CDH8: variants seen among roughly 807,000 people sequenced by gnomAD.
CDH8 encodes the protein cadherin 8.
Under a neutral mutation model 68.1 loss-of-function variants are expected in CDH8, and 17 were observed. The ratio of observed to expected loss-of-function variants is 0.25; its 90% CI spans 0.17 to 0.37. The LOEUF is 0.37. Ranked by LOEUF, CDH8 falls within the 10% of genes least tolerant of loss-of-function variation. CDH8 has a pLI of 1.00. For missense variants in CDH8, 763 were observed against 999.3 expected (o/e 0.76, Z 3.19); for synonymous variants, 372 against 365.1 (o/e 1.02, Z -0.21).
intron 2 of CDH8, among the ~76,000 whole-genome samples, chr16:62,014,633 G>T (rs1039684740): frequency 2.6e-5 from 4 of 152,166 alleles, no homozygotes; most frequent in Non-Finnish European, 5.9e-5. Context: ...GGCATCCCGT[G>T]TCCTTCATAC....
At chr16:61,858,785 A>G (rs969894273) in intron 3 of CDH8, among the ~76,000 whole-genome samples, 3 of 152,184 alleles carry the variant, frequency 2.0e-5, no homozygotes, top group Non-Finnish European at 2.9e-5. Context: ...GAAATGGGCC[A>G]AGCTTTTATA....
chr16:61,780,860 A>G (rs1487097229), intron 8 of CDH8, among the ~76,000 whole-genome samples: 2 of 152,216 alleles, frequency 1.3e-5, no homozygotes, highest in Non-Finnish European at 2.9e-5. Flanking sequence ...GTTTAATTGT[A>G]CACTTAAAGT....
chr16:61,888,432 G>A (rs1963715947), intron 3 of CDH8, among the ~76,000 whole-genome samples: 1 of 152,036 alleles, frequency 6.6e-6, no homozygotes, highest in South Asian at 2.1e-4. Flanking sequence ...TTCTCTCTCT[G>A]CTTCATGACG....
chr16:61,658,014 G>A (rs1462162680), intron 10 of CDH8, among the ~76,000 whole-genome samples: 4 of 151,962 alleles, frequency 2.6e-5, no homozygotes, highest in Admixed American at 2.6e-4. Context: ...AAATCTATGA[G>A]TTATTCTTGC....
At chr16:62,019,803 A>G (rs1338126755) in intron 2 of CDH8, among the ~76,000 whole-genome samples, 2 of 152,196 alleles carry the variant, frequency 1.3e-5, no homozygotes, top group African/African-American at 2.4e-5. Context: ...ATATGCATAT[A>G]CTGAAGGGGG....
At chr16:61,782,742 G>A (rs1275226400) in intron 8 of CDH8, among the ~76,000 whole-genome samples, 1 of 152,172 alleles carries the variant, frequency 6.6e-6, no homozygotes, top group African/African-American at 2.4e-5. Context: ...CTGGAGATCT[G>A]AGAACGGGCA....
At chr16:61,992,580 T>C (rs930971399) in intron 2 of CDH8, among the ~76,000 whole-genome samples, 1 of 151,678 alleles carries the variant, frequency 6.6e-6, no homozygotes, top group Non-Finnish European at 1.5e-5. Context: ...ACCCTAAAAC[T>C]TGAAGTATAA....
At chr16:61,834,668 C>A (rs1176161396) in intron 4 of CDH8, among the ~76,000 whole-genome samples, 4 of 151,878 alleles carry the variant, frequency 2.6e-5, no homozygotes, top group Admixed American at 1.3e-4. Context: ...AAAACAATTT[C>A]TTTGATATAC....
Position 61,789,422 on chromosome 16 carries a change from C to G in CDH8, c.1338G>C (p.Gly446=), listed in dbSNP as rs1267903830. 1 of 1,613,142 alleles carries G rather than the reference C, an allele frequency of 6.2e-7. No homozygotes were observed. Among genetic ancestry groups the G allele is most frequent in the Non-Finnish European group, 8.5e-7 (1 of 1,179,340 alleles). Residue 446 remains glycine (G), a synonymous_variant, in exon 8 of 12, where the codon GGG becomes GGC. Transcript: ENST00000577390. ...CAAGTGGTGTTGCCAGCGTTATCTTCCCATCGTCTGCATTAATGTTGAACT... is the reference window on the plus strand; with the variant it reads ...CAAGTGGTGTTGCCAGCGTTATCTTGCCATCGTCTGCATTAATGTTGAACT... ...ERQFNINADD[G]KITLATPLDR...
At chr16:61,697,857 A>G (rs1964357251) in intron 10 of CDH8, among the ~76,000 whole-genome samples, 1 of 152,220 alleles carries the variant, frequency 6.6e-6, no homozygotes, top group Non-Finnish European at 1.5e-5. Context: ...GCCAGCATAG[A>G]GAAAATTAGA....
chr16:61,931,490 C>A (rs1005058263), intron 2 of CDH8, among the ~76,000 whole-genome samples: 3 of 152,034 alleles, frequency 2.0e-5, no homozygotes, highest in Admixed American at 6.6e-5. Context: ...AAGGACTTTT[C>A]TAAAAAAAAC....
intron 10 of CDH8, among the ~76,000 whole-genome samples, chr16:61,699,166 A>G (rs543111003): frequency 2.0e-5 from 3 of 152,268 alleles, no homozygotes; most frequent in African/African-American, 7.2e-5. Flanking sequence ...GTTCTGTACC[A>G]TTTGCTCATT....
chr16:61,911,706 C>A (rs775122085), intron 2 of CDH8, among the ~76,000 whole-genome samples: 1 of 151,104 alleles, frequency 6.6e-6, no homozygotes, highest in Non-Finnish European at 1.5e-5. Context: ...ATATGGATAC[C>A]GATATCCATC....
At chr16:61,986,364 CT>C (rs924723354) in intron 2 of CDH8, among the ~76,000 whole-genome samples, 1 of 151,960 alleles carries the variant, frequency 6.6e-6, no homozygotes, top group African/African-American at 2.4e-5. Context: ...TCCTTCACTC[CT>C]TTTTTTTCTC....
Position 62,021,452 on chromosome 16 carries a change from T to C in CDH8, c.-49A>G. ...CCACGAAAATGAGACAATTATTTTT[T>C]TTGTCTCCGGTCTGCAGCCATCCAA... On this transcript the variant is annotated 5_prime_UTR_variant, in exon 2 of 12. Transcript: ENST00000577390. 1 of 1,559,528 alleles carries C rather than the reference T, an allele frequency of 6.4e-7. No individual in the cohort carries two copies. The highest frequency in any genetic ancestry group is 8.7e-7 in the Non-Finnish European group (1 of 1,152,826).
At chr16:61,981,238 A>T (rs1244274105) in intron 2 of CDH8, among the ~76,000 whole-genome samples, 1 of 152,246 alleles carries the variant, frequency 6.6e-6, no homozygotes, top group Non-Finnish European at 1.5e-5. Context: ...TAATGAATGT[A>T]TACAGAAACC....
chr16:61,995,133 T>A (rs1343757515), intron 2 of CDH8, among the ~76,000 whole-genome samples: 3 of 152,184 alleles, frequency 2.0e-5, no homozygotes, highest in Admixed American at 2.0e-4. Flanking sequence ...ACAGTCCTAG[T>A]ATACATACAA....
At chr16:61,971,635 T>C (rs957360389) in intron 2 of CDH8, among the ~76,000 whole-genome samples, 2 of 152,186 alleles carry the variant, frequency 1.3e-5, no homozygotes, top group African/African-American at 4.8e-5. Context: ...ATAGGTATGA[T>C]TGATGAAATC....
At chr16:61,811,568 A>G (rs1961950013) in intron 7 of CDH8, among the ~76,000 whole-genome samples, 1 of 152,216 alleles carries the variant, frequency 6.6e-6, no homozygotes, top group South Asian at 2.1e-4. Context: ...CAAAGAATTG[A>G]AATCAAGATA....
Sources: allele counts gnomAD v4.1 joint callset (sites outside exome capture counted in the v4.1 genomes callset), GRCh38; gene constraint gnomAD v4.1.1; transcripts MANE v1.5; gene names NCBI Gene and HGNC (gene_info 2026-07-23, HGNC 2026-07-21).